SRRM2: variants seen among roughly 807,000 people sequenced by gnomAD.
SRRM2 encodes serine/arginine repetitive matrix 2.
Under a neutral mutation model 213.8 loss-of-function variants are expected in SRRM2, and 30 were observed. That is an observed-to-expected ratio of 0.14 (90% CI 0.10 to 0.19). The LOEUF (loss-of-function observed/expected upper bound fraction) is 0.19. Ranked by LOEUF, SRRM2 falls within the 10% of genes least tolerant of loss-of-function variation. The pLI is 1.00. For missense variants in SRRM2, 4,904 were observed against 3,647.0 expected, an observed-to-expected ratio of 1.34 and a Z score of -8.88; for synonymous variants, 2,025 against 1,377.7, an observed-to-expected ratio of 1.47 and a Z score of -10.40.
rs142253143 is a variant in SRRM2, at chr16:2,767,505, G to A, written c.6977G>A (p.Ser2326Asn). The A allele has an allele frequency of 2.8e-5, 45 of 1,614,018 alleles. No individual in the cohort carries two copies. The African/African-American group carries it at 4.1e-4, about 15-fold the overall frequency. The stretch of plus-strand genomic sequence containing the variant: ...CCAACTGCTGCAAACTATCCCTCCA[G>A]CTCCAGAACACCACAGGCTCCAGCC... Reference protein sequence around the residue: ...TPPTAANYPSSSRTPQAPASA... With the variant: ...TPPTAANYPSNSRTPQAPASA... Residue 2326 changes from serine (S) to asparagine (N), a missense_variant, in exon 11 of 15, where the codon AGC becomes AAC. Coordinates refer to ENST00000301740, the MANE Select transcript of SRRM2 (RefSeq NM_016333.4).
Position 2,770,893 on chromosome 16 carries a change from C to A in SRRM2, c.*26C>A, listed in dbSNP as rs760909959. ...ATTGTCTTTGGGGGATTCCACCACA[C>A]CCAATGCTCTGGAGCCACAAGGAGT... On this transcript the variant is annotated 3_prime_UTR_variant, in exon 15 of 15. Transcript: ENST00000301740. The A allele has an allele frequency of 6.2e-7, 1 of 1,613,576 alleles. No individual in the cohort carries two copies. The highest frequency in any genetic ancestry group is 8.5e-7 in the Non-Finnish European group (1 of 1,179,902).
Position 2,766,774 on chromosome 16 carries a change from A to G in SRRM2, c.6246A>G (p.Gly2082=). 3 of 1,614,156 alleles carry G rather than the reference A, an allele frequency of 1.9e-6. No homozygotes were observed. The highest frequency in any genetic ancestry group is 2.5e-6 in the Non-Finnish European group (3 of 1,180,016). The change falls in exon 11 of 15, where the codon GGA becomes GGG. Residue 2082 remains glycine (G), a synonymous_variant. Transcript: ENST00000301740. This position sits in a 1 kb window ranked among gnomAD's most constrained non-coding sequence, Gnocchi z 7.0. ...CCATCCGCAGGCGTTCTGCATCTGG[A>G]AGTAGTTCTGATCGTTCACGATCTG... ...PPAIRRRSAS[G]SSSDRSRSAT...
chr16:2,759,219 T>C lies in SRRM2; in HGVS notation c.689+47T>C, dbSNP rs377740821. 8 of 1,606,814 alleles carry C rather than the reference T, an allele frequency of 5.0e-6. No individual in the cohort carries two copies. In the East Asian group the frequency reaches 6.7e-5, roughly 13 times the overall value. ...GGGGGCGCAGTGGCATGTGGAGTGGTGATTTTTTTTTCTTGGAGTGAAGCT... is the reference window on the plus strand; with the variant it reads ...GGGGGCGCAGTGGCATGTGGAGTGGCGATTTTTTTTTCTTGGAGTGAAGCT... On this transcript the variant is annotated intron_variant, in intron 7 of 14. Coordinates refer to ENST00000301740, the MANE Select transcript of SRRM2 (RefSeq NM_016333.4).
Position 2,765,786 on chromosome 16 carries a change from C to T in SRRM2, c.5258C>T (p.Thr1753Ile). The change falls in exon 11 of 15, where the codon ACT becomes ATT. Residue 1753 changes from threonine (T) to isoleucine (I), a missense_variant. Thr to Ile is a moderately conservative substitution (Grantham distance 89). Coordinates refer to ENST00000301740, the MANE Select transcript of SRRM2 (RefSeq NM_016333.4). ...CGGCGCTCAGCTTCATCTCCACGCA[C>T]TAAGACAACCTCAAGGAGAGGCCGC... ...RRRRSASSPR[T>I]KTTSRRGRSP... 3.1e-6 allele frequency: 5 copies of T among 1,614,138 alleles called. No homozygotes were observed. Among genetic ancestry groups the T allele is most frequent in the Middle Eastern group, 3.3e-4 (2 of 6,062 alleles).
In SRRM2 at chr16:2,764,276, G is replaced by A. The variant is rs2150777052; in HGVS notation, c.3748G>A (p.Gly1250Ser). 1.2e-6 allele frequency: 2 copies of A among 1,614,034 alleles called. No homozygotes were observed. Among genetic ancestry groups the A allele is most frequent in the Non-Finnish European group, 1.7e-6 (2 of 1,179,996 alleles). The change falls in exon 11 of 15, where the codon GGC (glycine) becomes AGC (serine). Residue 1250 changes from glycine (G) to serine (S), a missense_variant. Coordinates refer to ENST00000301740, the MANE Select transcript of SRRM2 (RefSeq NM_016333.4). ...GGTAGAGAAGTCTGAAGAACCCGCA[G>A]GCCAAATCCTGTCTCATTTGTCTTC... ...EVVEKSEEPA[G>S]QILSHLSSEL... is the part of the protein sequence containing the mutation.
chr16:2,755,064 ATTCC>A (rs1381805466), intron 1 of SRRM2, among the ~76,000 whole-genome samples: 2 of 152,208 alleles, frequency 1.3e-5, no homozygotes, highest in African/African-American at 2.4e-5. Flanking sequence ...CGCTTTACGT[ATTCC>A]TTAGGGTTTT....
Position 2,765,744 on chromosome 16 carries a change from C to G in SRRM2, c.5216C>G (p.Ser1739Trp), listed in dbSNP as rs780535104. ...SVSSPEPAEK[S>W]RSSRRRRSAS... ...TCTTCCCCGGAGCCAGCCGAAAAAT[C>G]GAGGTCTTCACGCCGACGGCGCTCA... The change falls in exon 11 of 15, where the codon TCG (serine) becomes TGG (tryptophan). Residue 1739 changes from serine to tryptophan, a missense_variant. By Grantham distance (177) the Ser-to-Trp change is radical (BLOSUM62 -3). Transcript: ENST00000301740. The G allele has an allele frequency of 1.2e-6, 2 of 1,614,116 alleles. No individual in the cohort carries two copies. The highest frequency in any genetic ancestry group is 3.3e-5 in the Admixed American group (2 of 60,032).
intron 1 of SRRM2, among the ~76,000 whole-genome samples, 190 bp downstream of exon 1, chr16:2,753,036 A>ACCCCCC (rs5815132): frequency 1.0e-4 from 14 of 138,460 alleles, no homozygotes; most frequent in South Asian, 2.3e-4. Context: ...CGCGGGCTTC[A>ACCCCCC]CCCCCCCCCG....
In SRRM2 at chr16:2,752,801, G is replaced by T. The variant is rs548671917; in HGVS notation, c.-77G>T. 9.0e-4 allele frequency: 311 copies of T among 344,674 alleles called. 6 individuals carry two copies. The highest frequency in any genetic ancestry group is 6.4e-3 in the African/African-American group (282 of 44,392). The allele number at this position is 344,674 out of a possible 1,614,324, so 21.4% of individuals were successfully genotyped here. A position where few individuals can be genotyped will look rare whatever the true frequency, so the allele number is the denominator to read the frequency against. On this transcript the variant is annotated 5_prime_UTR_variant, in exon 1 of 15. Transcript: ENST00000301740. The stretch of plus-strand genomic sequence containing the variant: ...GGGACTCGGGAGCTCGAGCAGCGGC[G>T]GCGGCAAGACCTCTCCCCCTCGGAG...
rs753162407 is a variant in SRRM2 at position 2,757,556 on chromosome 16, G to A, written c.327G>A (p.Glu109=). The change falls in exon 3 of 15, where the codon GAG becomes GAA. Residue 109 remains glutamate, a synonymous_variant. Coordinates refer to ENST00000301740, the MANE Select transcript of SRRM2 (RefSeq NM_016333.4). ...LEKDVNPGGK[E]ETPGQRPAVT... is the part of the protein sequence containing the mutation. ...AGGATGTGAACCCTGGGGGCAAGGA[G>A]GAGACCCCAGGGCAGAGGCCAGCGT... 1.1e-4 allele frequency: 175 copies of A among 1,613,896 alleles called. No homozygotes were observed. Among genetic ancestry groups the A allele is most frequent in the Middle Eastern group, 3.3e-4 (2 of 6,082 alleles).
In SRRM2 at chr16:2,770,599, TGCA is replaced by T; in HGVS notation, c.8142_8144del. The T allele has an allele frequency of 1.9e-6, 3 of 1,553,244 alleles. No homozygotes were observed. The highest frequency in any genetic ancestry group is 1.4e-5 in the African/African-American group (1 of 73,316). ...CTGTGGCCTGATGTCTGTCCTGTGTTGCAGCAGCAGCAGTGAGCGGGGTTCCCG... is the reference window on the plus strand; with the variant it reads ...CTGTGGCCTGATGTCTGTCCTGTGTTGCAGCAGCAGTGAGCGGGGTTCCCG... On this transcript the variant is annotated splice_acceptor_variant and splice_polypyrimidine_tract_variant and intron_variant, in intron 13 of 14. Coordinates refer to ENST00000301740, the MANE Select transcript of SRRM2 (RefSeq NM_016333.4). LOFTEE classifies it high-confidence loss of function.
Position 2,756,482 on chromosome 16 carries a change from G to A in SRRM2, c.118G>A (p.Glu40Lys). Residue 40 changes from glutamate to lysine, a missense_variant, in exon 2 of 15, where the codon GAG (glutamate) becomes AAG (lysine). By Grantham distance (56) the Glu-to-Lys change is moderately conservative (BLOSUM62 1). Coordinates refer to ENST00000301740, the MANE Select transcript of SRRM2 (RefSeq NM_016333.4). Reference sequence around the variant, plus strand: ...TGAGCGGCCTGACTACAAGGGAGAGGAGGAACTGCGGCGCCTGGAGGCTGC... The same window carrying A: ...TGAGCGGCCTGACTACAAGGGAGAGAAGGAACTGCGGCGCCTGGAGGCTGC... The part of the protein sequence containing the change: ...RGERPDYKGE[E>K]ELRRLEAALV... 6.2e-7 allele frequency: 1 copy of A among 1,613,922 alleles called. No homozygotes were observed. Among genetic ancestry groups the A allele is most frequent in the African/African-American group, 1.3e-5 (1 of 75,044 alleles).
Position 2,771,111 on chromosome 16 carries a change from G to A in SRRM2, c.*244G>A. On this transcript the variant is annotated 3_prime_UTR_variant, in exon 15 of 15. Transcript: ENST00000301740. ...GGGGTGGGAGGGAATGCAGATGGGA[G>A]TTGGGGGAGGGGAGGATACAGTTCA... The A allele has an allele frequency of 3.5e-6, 2 of 565,642 alleles. No individual in the cohort carries two copies. Among genetic ancestry groups the A allele is most frequent in the South Asian group, 4.1e-5 (2 of 49,254 alleles). The allele number at this position is 565,642 out of a possible 1,614,324, so 35.0% of individuals were successfully genotyped here. A position where few individuals can be genotyped will look rare whatever the true frequency, so the allele number is the denominator to read the frequency against.
Position 2,766,407 on chromosome 16 carries a change from C to G in SRRM2, c.5879C>G (p.Ser1960Cys). The change falls in exon 11 of 15, where the codon TCC becomes TGC. Residue 1960 changes from serine to cysteine, a missense_variant. Coordinates refer to ENST00000301740, the MANE Select transcript of SRRM2 (RefSeq NM_016333.4). This position sits in a 1 kb window ranked among gnomAD's most constrained non-coding sequence, Gnocchi z 7.0. Reference sequence around the variant, plus strand: ...CCAGTGACTCGCAGAAGGTCCAGATCCAGGACTCCACCAGTAACCAGGAGG... The same window carrying G: ...CCAGTGACTCGCAGAAGGTCCAGATGCAGGACTCCACCAGTAACCAGGAGG... ...TPPVTRRRSR[S>C]RTPPVTRRRS... is the part of the protein sequence containing the mutation. The G allele has an allele frequency of 6.2e-7, 1 of 1,613,942 alleles. No homozygotes were observed. The highest frequency in any genetic ancestry group is 8.5e-7 in the Non-Finnish European group (1 of 1,179,970).
Position 2,759,163 on chromosome 16 carries a change from G to C in SRRM2, c.680G>C (p.Arg227Pro), listed in dbSNP as rs1439244500. Reference protein sequence around the residue: ...KHRSESESKKRKHRSPTPKSK... With the variant: ...KHRSESESKKPKHRSPTPKSK... ...AGGTCAGAATCTGAGTCCAAGAAACGTAAGCATAGGTAAGAGCTCTTTAAC... is the reference window on the plus strand; with the variant it reads ...AGGTCAGAATCTGAGTCCAAGAAACCTAAGCATAGGTAAGAGCTCTTTAAC... Residue 227 changes from arginine to proline, a missense_variant, in exon 7 of 15, where the codon CGT becomes CCT. Physicochemically the swap from Arg to Pro is moderately radical, Grantham distance 103. Transcript: ENST00000301740. The C allele has an allele frequency of 1.5e-5, 24 of 1,613,988 alleles. No individual in the cohort carries two copies. Among genetic ancestry groups the C allele is most frequent in the African/African-American group, 2.7e-5 (2 of 74,888 alleles).
At chr16:2,761,404 C>T (rs1256035129) in intron 10 of SRRM2, among the ~76,000 whole-genome samples, 157 bp from the exon 11 acceptor site, 7 of 152,176 alleles carry the variant, frequency 4.6e-5, no homozygotes, top group Admixed American at 2.6e-4. Context: ...CACCACTGTG[C>T]TTTATATGAT....
In SRRM2 at chr16:2,759,158, G is replaced by A. The variant is rs147445433; in HGVS notation, c.675G>A (p.Lys225=). 29 of 1,614,056 alleles carry A rather than the reference G, an allele frequency of 1.8e-5. No individual in the cohort carries two copies. The highest frequency in any genetic ancestry group is 2.3e-5 in the Non-Finnish European group (27 of 1,180,036). The part of the protein sequence containing the change: ...KKKHRSESES[K]KRKHRSPTPK... ...CCAACAGGTCAGAATCTGAGTCCAAGAAACGTAAGCATAGGTAAGAGCTCT... is the reference window on the plus strand; with the variant it reads ...CCAACAGGTCAGAATCTGAGTCCAAAAAACGTAAGCATAGGTAAGAGCTCT... The change falls in exon 7 of 15, where the codon AAG becomes AAA. Residue 225 remains lysine, a synonymous_variant. Coordinates refer to ENST00000301740, the MANE Select transcript of SRRM2 (RefSeq NM_016333.4).
intron 7 of SRRM2, 89 bp downstream of exon 7, chr16:2,759,261 C>T (rs113294042): frequency 1.9e-5 from 31 of 1,603,608 alleles, no homozygotes; most frequent in African/African-American, 4.0e-5. Flanking sequence ...CTTGATCTTC[C>T]TTGTGTCAAC....
At chr16:2,753,870 T>C (rs2068039052) in intron 1 of SRRM2, among the ~76,000 whole-genome samples, 2 of 152,202 alleles carry the variant, frequency 1.3e-5, no homozygotes, top group Non-Finnish European at 2.9e-5. Context: ...TGCTTGCTGA[T>C]GTCCATTTTT....
Sources: gnomAD v4.1 joint callset for allele counts (sites outside exome capture counted in the v4.1 genomes callset) on GRCh38, gnomAD v4.1.1 for gene constraint, Gnocchi (gnomAD v3.1) non-coding constraint, MANE v1.5 for transcripts, NCBI Gene and HGNC (gene_info 2026-07-23, HGNC 2026-07-21) for gene names.